MPP3: variants seen among roughly 807,000 people sequenced by gnomAD.
MPP3 encodes the protein MAGUK p55 scaffold protein 3.
MPP3 carries 48 observed loss-of-function variants against 80.7 expected under a neutral mutation model. That is an observed-to-expected ratio of 0.59 (90% CI 0.47 to 0.76). The LOEUF (loss-of-function observed/expected upper bound fraction) is 0.76. Ranked by LOEUF, MPP3 falls within the 30% of genes least tolerant of loss-of-function variation. MPP3 has a pLI of 0.00. For missense variants in MPP3, 620 were observed against 763.0 expected (o/e 0.81, Z 2.21); for synonymous variants, 311 against 297.6 (o/e 1.04, Z -0.46).
intron 7 of MPP3, among the ~76,000 whole-genome samples, chr17:43,828,405 C>T (rs894972758): frequency 6.6e-6 from 1 of 152,172 alleles, no homozygotes; most frequent in African/African-American, 2.4e-5. Flanking sequence ...CCACACAGGC[C>T]GGACTGCAGC....
intron 19 of MPP3, among the ~76,000 whole-genome samples, chr17:43,806,676 C>A (rs1276034083): frequency 6.6e-6 from 1 of 151,986 alleles, no homozygotes; most frequent in Non-Finnish European, 1.5e-5. Flanking sequence ...ATGGCGCAAT[C>A]TCGGCTCATT....
intron 12 of MPP3, 118 bp from the exon 13 acceptor site, chr17:43,816,815 T>C (rs1206359376): frequency 7.9e-6 from 7 of 890,234 alleles, no homozygotes; most frequent in Non-Finnish European, 1.3e-5. Flanking sequence ...CTCTTTCCCT[T>C]TCCTCCAACG....
chr17:43,803,461 A>G lies in MPP3; in HGVS notation c.1582-1584T>C, dbSNP rs112961525. 2.2e-3 allele frequency among the ~76,000 whole-genome samples: 329 copies of G among 152,224 alleles called. 3 individuals carry two copies. The highest frequency in any genetic ancestry group is 7.1e-3 in the African/African-American group (296 of 41,540). On this transcript the variant is annotated intron_variant, in intron 19 of 19. Coordinates refer to ENST00000398389, the MANE Select transcript of MPP3 (RefSeq NM_001932.6). ...CCCACCTGTGTCTTCAGCAAGAGTC[A>G]CAGTCCCGAAGATCACATAGGAAAG...
chr17:43,806,155 A>T (rs1243012221), intron 19 of MPP3, among the ~76,000 whole-genome samples: 2 of 151,666 alleles, frequency 1.3e-5, no homozygotes, highest in Non-Finnish European at 2.9e-5. Flanking sequence ...CATGGCTTTT[A>T]TTTATTTATT....
At chr17:43,814,983 T>C (rs1456410514) in intron 14 of MPP3, among the ~76,000 whole-genome samples, 2 of 152,184 alleles carry the variant, frequency 1.3e-5, no homozygotes, top group African/African-American at 4.8e-5. Context: ...GTGGAGTATA[T>C]GAGAGTTCTT....
At position 43,833,127 on chromosome 17, in the gene MPP3, C is replaced by A. The variant is rs1233006163; in HGVS notation, c.-123G>T. On this transcript the variant is annotated 5_prime_UTR_variant, in exon 1 of 20. Transcript: ENST00000398389. ...TCGTCGCGCCGGGATGTGTGCTCCG[C>A]GAACGGGAGCCGCGCGAGTGCCCAG... The A allele has an allele frequency of 1.3e-5, 2 of 151,162 alleles. No homozygotes were observed. The highest frequency in any genetic ancestry group is 3.9e-4 in the East Asian group (2 of 5,158). The allele number at this position is 151,162 out of a possible 1,614,324, so 9.4% of individuals were successfully genotyped here.
At chr17:43,807,204 G>C (rs9912669) in intron 19 of MPP3, among the ~76,000 whole-genome samples, 44,773 of 151,166 alleles carry the variant, frequency 0.3, 8,356 homozygotes, top group African/African-American at 0.53. Flanking sequence ...AATTCCTGAC[G>C]TCAGGTGATC....
intron 8 of MPP3, among the ~76,000 whole-genome samples, chr17:43,826,179 T>C (rs1322423513): frequency 6.6e-6 from 1 of 152,266 alleles, no homozygotes; most frequent in Non-Finnish European, 1.5e-5. Flanking sequence ...GTGTTCTTTT[T>C]GCTATAATCT....
chr17:43,827,018 T>TTTTC (rs113719622), intron 8 of MPP3, among the ~76,000 whole-genome samples: 36,937 of 141,798 alleles, frequency 0.26, 6,042 homozygotes, highest in African/African-American at 0.49. Context: ...TTCTTTTTCT[T>TTTTC]TTTTTCTTTT....
intron 16 of MPP3, chr17:43,811,419 G>T: frequency 1.8e-6 from 1 of 556,730 alleles, no homozygotes; most frequent in Middle Eastern, 5.0e-4. Flanking sequence ...GCAAAAGGAG[G>T]CTTTTCCTTT....
chr17:43,803,222 C>G (rs1035442648), intron 19 of MPP3, among the ~76,000 whole-genome samples: 5 of 152,144 alleles, frequency 3.3e-5, no homozygotes, highest in African/African-American at 1.2e-4. Flanking sequence ...GTTTCCCCTC[C>G]TCCAGGCACC....
chr17:43,818,934 A>C (rs74851597), intron 11 of MPP3: 3 of 108,808 alleles, frequency 2.8e-5, no homozygotes, highest in Non-Finnish European at 4.8e-5. Context: ...ACCATGTCTC[A>C]AAAAAAAAAA....
In MPP3 at chr17:43,821,016, G is replaced by T; in HGVS notation, c.727C>A (p.Arg243=). The T allele has an allele frequency of 1.9e-6, 3 of 1,614,028 alleles. No homozygotes were observed. The highest frequency in any genetic ancestry group is 1.1e-5 in the South Asian group (1 of 91,068). The part of the protein sequence containing the change: ...ALFHYNPRED[R]AIPCQEAGLP... The stretch of plus-strand genomic sequence containing the variant: ...CCCGCCTCCTGGCAAGGGATGGCCC[G>T]GTCCTCCCGAGGGTTGTAGTGGAAG... Residue 243 remains arginine, a synonymous_variant, in exon 11 of 20, where the codon CGG becomes AGG. Coordinates refer to ENST00000398389, the MANE Select transcript of MPP3 (RefSeq NM_001932.6).
chr17:43,806,097 ATTTAT>A (rs995013803), intron 19 of MPP3, among the ~76,000 whole-genome samples: 4 of 151,932 alleles, frequency 2.6e-5, no homozygotes, highest in African/African-American at 9.7e-5. Context: ...TTTTATTTTG[ATTTAT>A]TTTTTCTTGT....
At chr17:43,814,112 T>C (rs751359888) in intron 15 of MPP3, 21 bp from the exon 16 acceptor site, 1 of 1,607,082 alleles carries the variant, frequency 6.2e-7, no homozygotes, top group South Asian at 1.1e-5. Context: ...AGAAGAAGGC[T>C]GACCAGGGTC....
At chr17:43,828,792 C>T (rs1205831809) in intron 7 of MPP3, among the ~76,000 whole-genome samples, 1 of 152,222 alleles carries the variant, frequency 6.6e-6, no homozygotes, top group South Asian at 2.1e-4. Context: ...TGAGAACTTT[C>T]CAGCATCGCT....
rs554047047 is a variant in MPP3 at position 43,808,009 on chromosome 17, C to G, written c.1581+947G>C. ...GTGGCTTACACCTGTAATCCCAGCA[C>G]TTTGGGAGGCCAAGGTGGGAGAATC... On this transcript the variant is annotated intron_variant, in intron 19 of 19. Transcript: ENST00000398389. Among the ~76,000 whole-genome samples, 17 of 152,010 alleles carry G rather than the reference C, an allele frequency of 1.1e-4. No homozygotes were observed. In the Middle Eastern group the frequency reaches 0.014, roughly 122 times the overall value.
intron 8 of MPP3, among the ~76,000 whole-genome samples, chr17:43,826,834 TTTTTTTTTTTC>T (rs1001239737): frequency 5.5e-5 from 7 of 128,008 alleles, no homozygotes; most frequent in Middle Eastern, 4.2e-3. Flanking sequence ...ATATATATTT[TTTTTTTTTTTC>T]TTTTTTTTTT....
chr17:43,806,871 G>T (rs2154591132), intron 19 of MPP3, among the ~76,000 whole-genome samples: 1 of 152,322 alleles, frequency 6.6e-6, no homozygotes, highest in African/African-American at 2.4e-5. Flanking sequence ...GCCCTCCAAA[G>T]TGTTGGGATT....
Sources: allele counts gnomAD v4.1 joint callset (sites outside exome capture counted in the v4.1 genomes callset), GRCh38; gene constraint gnomAD v4.1.1; transcripts MANE v1.5; gene names NCBI Gene and HGNC (gene_info 2026-07-23, HGNC 2026-07-21).